INPP1: variants seen among roughly 807,000 people sequenced by gnomAD.
INPP1 encodes inositol polyphosphate 1-phosphatase.
A neutral mutation model predicts 23.0 loss-of-function variants in INPP1; 18 were observed. The observed-to-expected ratio is 0.78, with a 90% CI of 0.54 to 1.16. The LOEUF (loss-of-function observed/expected upper bound fraction) is 1.16, where lower values mean the gene tolerates loss of function less well. INPP1 is among the 50% of genes most tolerant of loss of function. The probability of loss-of-function intolerance (pLI) is 0.00; values close to 1 mark genes in which losing one functional copy is unlikely to be tolerated. For synonymous variants in INPP1, 164 were observed against 176.3 expected (o/e 0.93, Z 0.55); for missense variants, 448 against 482.1 (o/e 0.93, Z 0.66).
At chr2:190,370,451 T>C (rs767085244) in intron 6 of INPP1, among the ~76,000 whole-genome samples, 8 of 152,364 alleles carry the variant, frequency 5.3e-5, no homozygotes, top group South Asian at 4.1e-4. Flanking sequence ...AAACTTGTTA[T>C]AGGGATTGTA....
intron 4 of INPP1, among the ~76,000 whole-genome samples, chr2:190,366,308 T>C (rs1343876807): frequency 6.8e-6 from 1 of 147,772 alleles, no homozygotes; most frequent in Non-Finnish European, 1.5e-5. Context: ...TCTCGCTCTG[T>C]CTCACTCTCT....
At chr2:190,359,863 G>C (rs1310883851) in intron 2 of INPP1, among the ~76,000 whole-genome samples, 176 bp from the exon 3 acceptor site, 1 of 152,118 alleles carries the variant, frequency 6.6e-6, no homozygotes, top group Non-Finnish European at 1.5e-5. Flanking sequence ...AAAACAATAA[G>C]CTTCAAATGT....
chr2:190,362,309 C>T (rs1474662333), intron 3 of INPP1, among the ~76,000 whole-genome samples: 1 of 152,152 alleles, frequency 6.6e-6, no homozygotes, highest in African/African-American at 2.4e-5. Flanking sequence ...TGCAAATATT[C>T]GAATTCTATG....
At chr2:190,344,696 A>G (rs1689182253) in intron 1 of INPP1, among the ~76,000 whole-genome samples, 1 of 152,206 alleles carries the variant, frequency 6.6e-6, no homozygotes, top group Non-Finnish European at 1.5e-5. Context: ...TTACTTTAGT[A>G]CATCTGTGAA....
intron 1 of INPP1, among the ~76,000 whole-genome samples, chr2:190,344,935 G>C (rs1306059703): frequency 1.3e-5 from 2 of 152,152 alleles, no homozygotes; most frequent in East Asian, 3.8e-4. Context: ...AAGTTGATAA[G>C]GATCAGCCCT....
rs1295783721 is a variant in INPP1 at position 190,354,741 on chromosome 2, C to T, written c.-64-5298C>T. 6.6e-6 allele frequency among the ~76,000 whole-genome samples: 1 copy of T among 152,164 alleles called. No homozygotes were observed. Among genetic ancestry groups the T allele is most frequent in the Non-Finnish European group, 1.5e-5 (1 of 68,036 alleles). On this transcript the variant is annotated intron_variant, in intron 2 of 6. Coordinates refer to ENST00000392329, the MANE Select transcript of INPP1 (RefSeq NM_001128928.2). This position sits in a 1 kb window ranked among gnomAD's most constrained non-coding sequence, Gnocchi z 4.8. Reference sequence around the variant, plus strand: ...AGAAGAATTAGGTATTGGGCATGCCCCCTGCCATCAATGCCATGACAGTTA... The same window carrying T: ...AGAAGAATTAGGTATTGGGCATGCCTCCTGCCATCAATGCCATGACAGTTA...
In INPP1 at chr2:190,371,583, A is replaced by G; in HGVS notation, c.*181A>G. On this transcript the variant is annotated 3_prime_UTR_variant, in exon 7 of 7. Transcript: ENST00000392329. The surrounding 1 kb of genome is among the most constrained non-coding windows in gnomAD (Gnocchi z 5.3). ...TTCAATAAATGACATTCATGCAGCA[A>G]TTATATTGGTGTATGAAATTCTTAC... The G allele has an allele frequency of 2.1e-6, 1 of 470,484 alleles. No homozygotes were observed. The highest frequency in any genetic ancestry group is 5.7e-5 in the South Asian group (1 of 17,398). 29.1% of individuals were successfully genotyped at this position (470,484 alleles called of 1,614,324 possible).
rs1304543366 is a variant in INPP1, at chr2:190,368,333, A to G, written c.467-770A>G. Among the ~76,000 whole-genome samples, 1 of 152,102 alleles carries G rather than the reference A, an allele frequency of 6.6e-6. No homozygotes were observed. The highest frequency in any genetic ancestry group is 1.9e-4 in the East Asian group (1 of 5,202). The stretch of plus-strand genomic sequence containing the variant: ...AACCTAGTTTCTCTGCCTCTGTTTC[A>G]TAGGAGCTCCGTTAATTTCTTTTTT... On this transcript the variant is annotated intron_variant, in intron 5 of 6. Transcript: ENST00000392329. This position sits in a 1 kb window ranked among gnomAD's most constrained non-coding sequence, Gnocchi z 4.3.
rs909270 is a variant in INPP1 at position 190,368,449 on chromosome 2, G to A, written c.467-654G>A. Among the ~76,000 whole-genome samples, 96,237 of 151,398 alleles carry A rather than the reference G, an allele frequency of 0.64. 31,087 individuals are homozygous for A. The highest frequency in any genetic ancestry group is 0.76 in the East Asian group (3,928 of 5,168). On this transcript the variant is annotated intron_variant, in intron 5 of 6. Coordinates refer to ENST00000392329, the MANE Select transcript of INPP1 (RefSeq NM_001128928.2). The surrounding 1 kb of genome is among the most constrained non-coding windows in gnomAD (Gnocchi z 4.3). Reference sequence around the variant, plus strand: ...TAATATTACCTGTGACCTATTACAGGAGGGGGGCTTTTCTTTTTTTCTTTT... The same window carrying A: ...TAATATTACCTGTGACCTATTACAGAAGGGGGGCTTTTCTTTTTTTCTTTT...
Position 190,352,576 on chromosome 2 carries a change from C to G in INPP1, c.-65+3545C>G, listed in dbSNP as rs1305167032. Among the ~76,000 whole-genome samples, 3 of 152,112 alleles carry G rather than the reference C, an allele frequency of 2.0e-5. No homozygotes were observed. The highest frequency in any genetic ancestry group is 2.9e-5 in the Non-Finnish European group (2 of 68,014). On this transcript the variant is annotated intron_variant, in intron 2 of 6. Coordinates refer to ENST00000392329, the MANE Select transcript of INPP1 (RefSeq NM_001128928.2). This position sits in a 1 kb window ranked among gnomAD's most constrained non-coding sequence, Gnocchi z 4.7. The stretch of plus-strand genomic sequence containing the variant: ...TAGCAAGTGACACAACACAGCGAGC[C>G]CCCCCTCCATATTTAGTGTGGGCCC...
intron 2 of INPP1, among the ~76,000 whole-genome samples, chr2:190,359,474 G>A (rs747515307): frequency 7.9e-5 from 12 of 151,154 alleles, no homozygotes; most frequent in African/African-American, 1.7e-4. Context: ...GGAGGATGGC[G>A]TGAACCCGGG....
rs1689570211 is a variant in INPP1, at chr2:190,363,320, C to A, written c.265+633C>A. Among the ~76,000 whole-genome samples, 1 of 152,150 alleles carries A rather than the reference C, an allele frequency of 6.6e-6. No individual in the cohort carries two copies. The highest frequency in any genetic ancestry group is 2.4e-5 in the African/African-American group (1 of 41,438). Reference sequence around the variant, plus strand: ...CAATCTCGGTTCACTGCAACCTCCACCTCCTGGATTCAAGCCATTCTCCTG... The same window carrying A: ...CAATCTCGGTTCACTGCAACCTCCAACTCCTGGATTCAAGCCATTCTCCTG... On this transcript the variant is annotated intron_variant, in intron 4 of 6. Transcript: ENST00000392329. The surrounding 1 kb of genome is among the most constrained non-coding windows in gnomAD (Gnocchi z 4.4).
chr2:190,344,058 C>G (rs1254632884), intron 1 of INPP1, 97 bp downstream of exon 1: 2 of 327,632 alleles, frequency 6.1e-6, no homozygotes, highest in East Asian at 1.6e-4. Context: ...GCGGCGCGCG[C>G]CGTCGCCTCT....
chr2:190,358,002 A>G (rs1689450814), intron 2 of INPP1, among the ~76,000 whole-genome samples: 1 of 151,746 alleles, frequency 6.6e-6, no homozygotes, highest in South Asian at 2.1e-4. Flanking sequence ...TACAAATTAC[A>G]TCTTACTCCC....
chr2:190,344,726 C>T (rs1169732982), intron 1 of INPP1, among the ~76,000 whole-genome samples: 2 of 152,196 alleles, frequency 1.3e-5, no homozygotes, highest in East Asian at 1.9e-4. Context: ...TAAGAAACCA[C>T]GGCTTGTTTT....
rs1421666562 is a variant in INPP1, at chr2:190,356,323, C to G, written c.-64-3716C>G. Among the ~76,000 whole-genome samples the G allele has an allele frequency of 6.6e-6, 1 of 152,188 alleles. No individual in the cohort carries two copies. The highest frequency in any genetic ancestry group is 1.5e-5 in the Non-Finnish European group (1 of 68,030). On this transcript the variant is annotated intron_variant, in intron 2 of 6. Transcript: ENST00000392329. The surrounding 1 kb of genome is among the most constrained non-coding windows in gnomAD (Gnocchi z 6.4). ...AGTGAACTCTGGGATAACCTTGGAACTGAAAAACCTGATTATTGTGTTATG... is the reference window on the plus strand; with the variant it reads ...AGTGAACTCTGGGATAACCTTGGAAGTGAAAAACCTGATTATTGTGTTATG...
At chr2:190,350,478 T>C (rs1253872912) in intron 2 of INPP1, among the ~76,000 whole-genome samples, 1 of 152,224 alleles carries the variant, frequency 6.6e-6, no homozygotes, top group Non-Finnish European at 1.5e-5. Flanking sequence ...TTCTTGATCT[T>C]AGCTGATTTG....
intron 4 of INPP1, among the ~76,000 whole-genome samples, chr2:190,364,203 C>T (rs1689590260): frequency 6.6e-6 from 1 of 152,156 alleles, no homozygotes; most frequent in African/African-American, 2.4e-5. Context: ...TTGTGCTTCC[C>T]ACACTTTACT....
At chr2:190,362,760 T>C in intron 4 of INPP1, 73 bp downstream of exon 4, 1 of 1,003,274 alleles carries the variant, frequency 1.0e-6, no homozygotes, top group African/African-American at 1.6e-5. Context: ...GTTTATACCA[T>C]GAACTAAATG....
Sources: allele counts gnomAD v4.1 joint callset (sites outside exome capture counted in the v4.1 genomes callset), GRCh38; gene constraint gnomAD v4.1.1; non-coding constraint Gnocchi (gnomAD v3.1); transcripts MANE v1.5; gene names NCBI Gene and HGNC (gene_info 2026-07-23, HGNC 2026-07-21).